SGCD: variants seen among roughly 807,000 people sequenced by gnomAD.
The protein encoded by SGCD is delta-sarcoglycan.
SGCD carries 18 observed loss-of-function variants against 36.6 expected under a neutral mutation model. The observed-to-expected ratio is 0.49, with a 90% confidence interval of 0.34 to 0.73. SGCD has a LOEUF of 0.73. SGCD is among the 30% of genes least tolerant of loss of function. The probability of loss-of-function intolerance (pLI) is 0.01; values close to 1 mark genes in which losing one functional copy is unlikely to be tolerated. For missense variants in SGCD, 387 were observed against 346.7 expected, an observed-to-expected ratio of 1.12 and a Z score of -0.92; for synonymous variants, 133 against 130.6, an observed-to-expected ratio of 1.02 and a Z score of -0.12.
In SGCD at chr5:156,415,196, G is replaced by A. The variant is rs551527058; in HGVS notation, c.192+70519G>A. On this transcript the variant is annotated intron_variant, in intron 3 of 8. Transcript: ENST00000337851. ...ATGAATCTTAATACAAACTCTTAAG[G>A]AATGAAAAACTTAAGATATAATGAA... 2.6e-5 allele frequency among the ~76,000 whole-genome samples: 4 copies of A among 152,070 alleles called. No individual in the cohort carries two copies. In the East Asian group the frequency reaches 7.7e-4, roughly 29 times the overall value.
chr5:156,597,597 C>A (rs280468), intron 6 of SGCD, among the ~76,000 whole-genome samples: 36,842 of 152,028 alleles, frequency 0.24, 4,591 homozygotes, highest in East Asian at 0.31. Flanking sequence ...AATTCAAGAT[C>A]AGATTTGAGC....
At chr5:156,536,565 A>C (rs1758120961) in intron 4 of SGCD, among the ~76,000 whole-genome samples, 1 of 151,874 alleles carries the variant, frequency 6.6e-6, no homozygotes, top group Non-Finnish European at 1.5e-5. Context: ...TATTTTTGTC[A>C]TCACTGATCC....
intron 3 of SGCD, among the ~76,000 whole-genome samples, chr5:156,506,938 A>C (rs904844933): frequency 2.0e-5 from 3 of 152,216 alleles, no homozygotes; most frequent in Non-Finnish European, 4.4e-5. Context: ...GGATATAACC[A>C]GTTTGAAACC....
intron 1 of SGCD, among the ~76,000 whole-genome samples, chr5:155,919,660 C>T (rs1244782874): frequency 6.6e-6 from 1 of 152,168 alleles, no homozygotes; most frequent in East Asian, 1.9e-4. Flanking sequence ...TCATGGCAAT[C>T]CATTCAACAT....
intron 1 of SGCD, among the ~76,000 whole-genome samples, chr5:155,917,011 C>T (rs138270915): frequency 2.0e-4 from 30 of 152,242 alleles, no homozygotes; most frequent in Middle Eastern, 3.4e-3. Context: ...CTCCCTATCT[C>T]GTTAAAAAAT....
At chr5:155,973,550 A>G (rs558318182) in intron 1 of SGCD, among the ~76,000 whole-genome samples, 5 of 152,334 alleles carry the variant, frequency 3.3e-5, no homozygotes, top group African/African-American at 4.8e-5. Context: ...GAAAATGATC[A>G]GACAAGTAAG....
intron 1 of SGCD, among the ~76,000 whole-genome samples, chr5:155,960,524 C>A (rs1469511299): frequency 6.6e-6 from 1 of 152,082 alleles, no homozygotes; most frequent in Admixed American, 6.6e-5. Flanking sequence ...GAAGCCTAAA[C>A]ACATACCCCT....
intron 7 of SGCD, among the ~76,000 whole-genome samples, chr5:156,661,735 C>G (rs1763936027): frequency 1.3e-5 from 2 of 151,162 alleles, no homozygotes; most frequent in African/African-American, 4.9e-5. Flanking sequence ...ACAAAATTAG[C>G]AAGACCAATC....
rs876658001 is a variant in SGCD, at chr5:156,647,467, C to A, written c.506C>A (p.Ala169Glu). ...TGCTTTTCTGTTTTGTTTACAGGAG[C>A]GGAGGGCACAGTGTTCCCTAAATCT... ...VGAERLRVLG[A>E]EGTVFPKSIE... Residue 169 changes from alanine to glutamate, a missense_variant, in exon 7 of 9, where the codon GCG (alanine) becomes GAG (glutamate). Coordinates refer to ENST00000337851, the MANE Select transcript of SGCD (RefSeq NM_000337.6). 1.9e-6 allele frequency: 3 copies of A among 1,578,556 alleles called. No individual in the cohort carries two copies. Among genetic ancestry groups the A allele is most frequent in the Non-Finnish European group, 2.6e-6 (3 of 1,159,410 alleles).
At chr5:156,104,760 C>A (rs982279024) in intron 1 of SGCD, among the ~76,000 whole-genome samples, 5 of 152,178 alleles carry the variant, frequency 3.3e-5, no homozygotes, top group African/African-American at 9.7e-5. Flanking sequence ...TCTTTCTGGG[C>A]AAGTCCTAAA....
chr5:155,954,869 T>C (rs1380763795), intron 1 of SGCD, among the ~76,000 whole-genome samples: 1 of 152,068 alleles, frequency 6.6e-6, no homozygotes, highest in East Asian at 1.9e-4. Context: ...AGAGAGCTCA[T>C]GTGTAGTTCC....
chr5:156,560,960 A>G (rs1328717162), intron 4 of SGCD, among the ~76,000 whole-genome samples: 3 of 152,200 alleles, frequency 2.0e-5, no homozygotes, highest in Non-Finnish European at 4.4e-5. Context: ...TTACCTTGGC[A>G]TATATAATAT....
Position 156,760,520 on chromosome 5 carries a change from A to G in SGCD, c.*1130A>G, listed in dbSNP as rs1428415266. On this transcript the variant is annotated 3_prime_UTR_variant, in exon 9 of 9. Coordinates refer to ENST00000337851, the MANE Select transcript of SGCD (RefSeq NM_000337.6). ...CAGTGCCGGGATATTCATATTCCTA[A>G]AGCCACTATTGTGTTTTCTCTAAGA... 2 of 152,522 alleles carry G rather than the reference A, an allele frequency of 1.3e-5. No homozygotes were observed. Among genetic ancestry groups the G allele is most frequent in the African/African-American group, 4.8e-5 (2 of 41,448 alleles). The allele number at this position is 152,522 out of a possible 1,614,324, so 9.4% of individuals were successfully genotyped here. A position where few individuals can be genotyped will look rare whatever the true frequency, so the allele number is the denominator to read the frequency against.
intron 1 of SGCD, among the ~76,000 whole-genome samples, chr5:156,113,872 C>A (rs1019710949): frequency 1.3e-5 from 2 of 152,020 alleles, no homozygotes; most frequent in African/African-American, 2.4e-5. Context: ...CATGGAGGAA[C>A]CTTAAAAGTG....
intron 2 of SGCD, among the ~76,000 whole-genome samples, chr5:156,122,896 G>A (rs958442): frequency 4.1e-4 from 55 of 134,938 alleles, no homozygotes; most frequent in Non-Finnish European, 7.5e-4. Context: ...GTCAGCTGCT[G>A]GATTTATTCT....
intron 1 of SGCD, among the ~76,000 whole-genome samples, chr5:156,091,180 C>A (rs144561006): frequency 2.5e-3 from 386 of 152,274 alleles, no homozygotes; most frequent in African/African-American, 8.6e-3. Flanking sequence ...TCCATGAAAT[C>A]TTCACAATTT....
intron 3 of SGCD, among the ~76,000 whole-genome samples, chr5:156,389,648 A>C (rs1771458748): frequency 6.6e-6 from 1 of 152,098 alleles, no homozygotes; most frequent in Non-Finnish European, 1.5e-5. Context: ...CAGGCAGTAA[A>C]GCTCACTTGC....
At chr5:155,803,893 C>A in the SGCD span, among the ~76,000 whole-genome samples, 1 of 152,102 alleles carries the variant, frequency 6.6e-6, no homozygotes, top group South Asian at 2.1e-4. Flanking sequence ...CAGCGCAGCA[C>A]AATAAAGAAC....
At chr5:156,014,362 A>G (rs980924604) in intron 1 of SGCD, among the ~76,000 whole-genome samples, 3 of 151,840 alleles carry the variant, frequency 2.0e-5, no homozygotes, top group African/African-American at 7.3e-5. Context: ...AGCACAAACA[A>G]CTCCTGCATA....
Sources: gnomAD v4.1 joint callset for allele counts (sites outside exome capture counted in the v4.1 genomes callset) on GRCh38, gnomAD v4.1.1 for gene constraint, MANE v1.5 for transcripts, NCBI Gene and HGNC (gene_info 2026-07-23, HGNC 2026-07-21) for gene names.